FAT4: variants seen among roughly 807,000 people sequenced by gnomAD.
The protein encoded by FAT4 is FAT atypical cadherin 4, also known as protocadherin Fat 4.
A neutral mutation model predicts 303.9 loss-of-function variants in FAT4; 84 were observed. That is an observed-to-expected ratio of 0.28 (90% CI 0.23 to 0.33). The LOEUF (loss-of-function observed/expected upper bound fraction) is 0.33, where lower values mean the gene tolerates loss of function less well. FAT4 is among the 10% of genes least tolerant of loss of function. The probability of loss-of-function intolerance (pLI) is 1.00; values close to 1 mark genes in which losing one functional copy is unlikely to be tolerated. For missense variants in FAT4, 6,005 were observed against 6,146.8 expected (o/e 0.98, Z 0.77); for synonymous variants, 2,307 against 2,298.8 (o/e 1.00, Z -0.10).
Position 125,428,620 on chromosome 4 carries a change from A to G in FAT4, c.7019-5625A>G, listed in dbSNP as rs78187194. Among the ~76,000 whole-genome samples, 1,138 of 152,300 alleles carry G rather than the reference A, an allele frequency of 7.5e-3. 40 individuals are homozygous for G. In the East Asian group the frequency reaches 0.083, roughly 11 times the overall value. ...TGGCTATTTTATGTGAAAACTGAAG[A>G]AGAATTTTATCACTTTTTCCATGTT... On this transcript the variant is annotated intron_variant, in intron 7 of 17. Coordinates refer to ENST00000394329, the MANE Select transcript of FAT4 (RefSeq NM_001291303.3).
At chr4:125,390,286 C>A (rs938433954) in intron 2 of FAT4, among the ~76,000 whole-genome samples, 4 of 152,090 alleles carry the variant, frequency 2.6e-5, no homozygotes, top group Non-Finnish European at 4.4e-5. Flanking sequence ...CACCCTGATG[C>A]GGTCATACTG....
chr4:125,397,328 A>G (rs1399713915), intron 2 of FAT4, among the ~76,000 whole-genome samples: 1 of 152,144 alleles, frequency 6.6e-6, no homozygotes, highest in East Asian at 1.9e-4. Flanking sequence ...CTAGCTAATA[A>G]GTGTCAGACA....
In FAT4 at chr4:125,481,705, T is replaced by C. The variant is rs1189512036; in HGVS notation, c.12789T>C (p.His4263=). The change falls in exon 16 of 18, where the codon CAT becomes CAC. Residue 4263 remains histidine, a synonymous_variant. Transcript: ENST00000394329. ...GAAGCGAGAATGGCGTTTTAATCCA[T>C]ATCCAAGAAAGCAGCAATTACACTA... The part of the protein sequence containing the change: ...RTRSENGVLI[H]IQESSNYTTV... 2 of 1,613,884 alleles carry C rather than the reference T, an allele frequency of 1.2e-6. No homozygotes were observed. The highest frequency in any genetic ancestry group is 1.7e-6 in the Non-Finnish European group (2 of 1,179,904).
rs1553925990 is a variant in FAT4 at position 125,440,610 on chromosome 4, TGAGA to T, written c.7200-5652_7200-5649del. On this transcript the variant is annotated intron_variant, in intron 8 of 17. Coordinates refer to ENST00000394329, the MANE Select transcript of FAT4 (RefSeq NM_001291303.3). ...GTGTGTGTGTGTGTGTGTGTGTGTG[TGAGA>T]GAGAGAGAGAGAGAGAGAGAGAGAG... is the stretch of plus-strand genomic sequence containing the variant. Among the ~76,000 whole-genome samples the T allele has an allele frequency of 7.3e-3, 551 of 75,752 alleles. 3 individuals are homozygous for T. The highest frequency in any genetic ancestry group is 0.033 in the Middle Eastern group (3 of 92). 49.7% of individuals were successfully genotyped at this position (75,752 alleles called of 152,430 possible).
chr4:125,463,548 T>A lies in FAT4; in HGVS notation c.11801-15T>A. On this transcript the variant is annotated splice_polypyrimidine_tract_variant and intron_variant, in intron 10 of 17. Transcript: ENST00000394329. ...TGTATGAGATTTAAAAAAAACTGAA[T>A]TTGATATATTTTAGGGAAAATGTGT... 1 of 1,501,368 alleles carries A rather than the reference T, an allele frequency of 6.7e-7. No homozygotes were observed. The highest frequency in any genetic ancestry group is 9.1e-7 in the Non-Finnish European group (1 of 1,101,636). The allele number at this position is 1,501,368 out of a possible 1,614,324, so 93.0% of individuals were successfully genotyped here. A position where few individuals can be genotyped will look rare whatever the true frequency, so the allele number is the denominator to read the frequency against.
In FAT4 at chr4:125,398,892, C is replaced by G. The variant is rs372610330; in HGVS notation, c.5284C>G (p.Leu1762Val). Residue 1762 changes from leucine (L) to valine (V), a missense_variant, in exon 3 of 18, where the codon CTG becomes GTG. Leu to Val is a conservative substitution (Grantham distance 32). Transcript: ENST00000394329. Reference protein sequence around the residue: ...NIGDGSKIMQLTAMDADEGAN... With the variant: ...NIGDGSKIMQVTAMDADEGAN... ...TGGAGATGGCTCTAAGATTATGCAG[C>G]TGACAGCCATGGATGCTGATGAGGT... is the stretch of plus-strand genomic sequence containing the variant. 10 of 1,613,204 alleles carry G rather than the reference C, an allele frequency of 6.2e-6. No homozygotes were observed. The highest frequency in any genetic ancestry group is 7.6e-6 in the Non-Finnish European group (9 of 1,179,360).
intron 2 of FAT4, among the ~76,000 whole-genome samples, chr4:125,325,070 C>T (rs1731101260): frequency 3.9e-5 from 6 of 151,978 alleles, no homozygotes; most frequent in Admixed American, 3.9e-4. Flanking sequence ...AGAATCCATC[C>T]TTACACAGAT....
In FAT4 at chr4:125,397,915, G is replaced by T. The variant is rs762882001; in HGVS notation, c.5176-869G>T. On this transcript the variant is annotated intron_variant, in intron 2 of 17. Coordinates refer to ENST00000394329, the MANE Select transcript of FAT4 (RefSeq NM_001291303.3). ...GCCCTGGTTATATCCTAACTAAATG[G>T]ATGGGTGGGTTTTTTAATTAAATGG... is the stretch of plus-strand genomic sequence containing the variant. Among the ~76,000 whole-genome samples the T allele has an allele frequency of 1.8e-4, 28 of 152,174 alleles. 1 individual carries two copies. The highest frequency in any genetic ancestry group is 4.1e-4 in the Non-Finnish European group (28 of 68,008).
intron 2 of FAT4, among the ~76,000 whole-genome samples, chr4:125,349,767 A>T (rs1732150543): frequency 6.6e-6 from 1 of 151,726 alleles, no homozygotes; most frequent in South Asian, 2.1e-4. Flanking sequence ...TTCCCGTTAT[A>T]TAAAGATGCA....
intron 2 of FAT4, among the ~76,000 whole-genome samples, chr4:125,349,417 C>T (rs1431336623): frequency 6.6e-6 from 1 of 151,652 alleles, no homozygotes; most frequent in African/African-American, 2.4e-5. Context: ...ATATCATACC[C>T]TTCCACAAAT....
intron 3 of FAT4, among the ~76,000 whole-genome samples, chr4:125,400,144 A>C (rs546356034): frequency 6.6e-6 from 1 of 152,086 alleles, no homozygotes; most frequent in Non-Finnish European, 1.5e-5. Context: ...TACTCTAAGA[A>C]TAGAGCAAAT....
intron 2 of FAT4, among the ~76,000 whole-genome samples, chr4:125,397,474 G>A (rs542400790): frequency 3.4e-4 from 51 of 152,176 alleles, no homozygotes; most frequent in African/African-American, 1.2e-3. Flanking sequence ...GTCGAGAATG[G>A]TTGTTGCTAG....
chr4:125,323,701 A>C (rs1375412229), intron 2 of FAT4, among the ~76,000 whole-genome samples: 2 of 152,198 alleles, frequency 1.3e-5, no homozygotes, highest in Non-Finnish European at 2.9e-5. Context: ...AAGTGTATAC[A>C]ATAAAGTGCT....
At position 125,490,460 on chromosome 4, in the gene FAT4, G is replaced by T. The variant is rs765620381; in HGVS notation, c.13644G>T (p.Lys4548Asn). The change falls in exon 18 of 18, where the codon AAG becomes AAT. Residue 4548 changes from lysine (K) to asparagine (N), a missense_variant. Transcript: ENST00000394329. The stretch of plus-strand genomic sequence containing the variant: ...AAGAGGAGAAGAAACCGAAGGAGAA[G>T]AAGAAAAAGGGAAGTGAGAACGTTG... ...NPKEEKKPKEKKKKGSENVAF... is the reference protein window; with the variant it reads ...NPKEEKKPKENKKKGSENVAF... 2 of 1,614,046 alleles carry T rather than the reference G, an allele frequency of 1.2e-6. No individual in the cohort carries two copies. Among genetic ancestry groups the T allele is most frequent in the South Asian group, 1.1e-5 (1 of 91,090 alleles).
At chr4:125,436,120 A>G (rs1347334552) in intron 8 of FAT4, among the ~76,000 whole-genome samples, 1 of 151,832 alleles carries the variant, frequency 6.6e-6, no homozygotes, top group Non-Finnish European at 1.5e-5. Context: ...CAGCACACCA[A>G]CATGGCACAT....
intron 14 of FAT4, among the ~76,000 whole-genome samples, chr4:125,478,411 C>T (rs1057476946): frequency 6.6e-6 from 1 of 151,178 alleles, no homozygotes; most frequent in Non-Finnish European, 1.5e-5. Context: ...TTTTTTTTTT[C>T]ATTTAGAGAT....
rs763316688 is a variant in FAT4 at position 125,318,581 on chromosome 4, G to C, written c.2170G>C (p.Val724Leu). 6.2e-6 allele frequency: 10 copies of C among 1,614,056 alleles called. No homozygotes were observed. The African/African-American group carries it at 1.2e-4, about 19-fold the overall frequency. ...CCCAGACTTGGGTACCAATGGTACT[G>C]TCAAATATAGCATATCTGCTGGGGA... ...TDPDLGTNGT[V>L]KYSISAGDRS... The change falls in exon 2 of 18, where the codon GTC becomes CTC. Residue 724 changes from valine to leucine, a missense_variant. Transcript: ENST00000394329.
intron 2 of FAT4, among the ~76,000 whole-genome samples, chr4:125,326,840 C>G (rs1731177265): frequency 6.6e-6 from 1 of 152,178 alleles, no homozygotes; most frequent in Admixed American, 6.5e-5. Flanking sequence ...GCCTGGGCAA[C>G]ATGGTAAAAC....
At chr4:125,436,897 C>A (rs1439815944) in intron 8 of FAT4, among the ~76,000 whole-genome samples, 1 of 152,020 alleles carries the variant, frequency 6.6e-6, no homozygotes, top group African/African-American at 2.4e-5. Flanking sequence ...CTTTGTCACC[C>A]AGGCTGGAGT....
Sources: allele counts gnomAD v4.1 joint callset (sites outside exome capture counted in the v4.1 genomes callset), GRCh38; gene constraint gnomAD v4.1.1; transcripts MANE v1.5; gene names NCBI Gene and HGNC (gene_info 2026-07-23, HGNC 2026-07-21).